LRRC4C: variants seen among roughly 807,000 people sequenced by gnomAD.
LRRC4C encodes the protein leucine rich repeat containing 4C, also known as leucine-rich repeat-containing protein 4C.
A neutral mutation model predicts 33.6 loss-of-function variants in LRRC4C; 5 were observed. That is an observed-to-expected ratio of 0.15 (90% CI 0.08 to 0.31). LRRC4C has a LOEUF of 0.31. LRRC4C is among the 10% of genes least tolerant of loss of function. The pLI is 1.00. For missense variants in LRRC4C, 560 were observed against 796.7 expected, an observed-to-expected ratio of 0.70 and a Z score of 3.58; for synonymous variants, 329 against 302.0, an observed-to-expected ratio of 1.09 and a Z score of -0.93.
intron 2 of LRRC4C, among the ~76,000 whole-genome samples, chr11:40,877,670 T>A (rs1019472148): frequency 6.6e-6 from 1 of 152,170 alleles, no homozygotes; most frequent in Non-Finnish European, 1.5e-5. Flanking sequence ...GATTTAGCAA[T>A]GCGGTTAGCC....
intron 2 of LRRC4C, among the ~76,000 whole-genome samples, chr11:40,828,613 T>G (rs1046001315): frequency 6.6e-6 from 1 of 151,932 alleles, no homozygotes; most frequent in Non-Finnish European, 1.5e-5. Context: ...TCCTACCATA[T>G]TTTAAACTCA....
intron 1 of LRRC4C, among the ~76,000 whole-genome samples, chr11:41,161,932 G>A (rs11036260): frequency 0.036 from 5,486 of 152,122 alleles, 127 homozygotes; most frequent in East Asian, 0.069. Context: ...ATATATGTAA[G>A]TAAACCACAA....
chr11:40,511,151 T>G (rs1955296142), intron 3 of LRRC4C, among the ~76,000 whole-genome samples: 1 of 152,076 alleles, frequency 6.6e-6, no homozygotes, highest in South Asian at 2.1e-4. Flanking sequence ...ATGGGAGAAG[T>G]ACAGGATATT....
rs552505212 is a variant in LRRC4C, at chr11:40,782,416, G to A, written c.-406-134138C>T. Among the ~76,000 whole-genome samples, 6 of 151,398 alleles carry A rather than the reference G, an allele frequency of 4.0e-5. No individual in the cohort carries two copies. In the East Asian group the frequency reaches 1.2e-3, roughly 30 times the overall value. On this transcript the variant is annotated intron_variant, in intron 2 of 6. Transcript: ENST00000528697. ...CACCATTATCTCCTAGTCTTCTCTG[G>A]CCCACAGCTCCTCCCACCTAATTGC...
At chr11:40,704,287 T>G (rs1946030507) in intron 2 of LRRC4C, among the ~76,000 whole-genome samples, 1 of 152,142 alleles carries the variant, frequency 6.6e-6, no homozygotes. Context: ...CTGGAACCAA[T>G]CACCTGTGGA....
chr11:41,432,180 C>CTTGT (rs1955261575), intron 1 of LRRC4C, among the ~76,000 whole-genome samples: 1 of 152,158 alleles, frequency 6.6e-6, no homozygotes, highest in Admixed American at 6.5e-5. Flanking sequence ...AATTAAGTAC[C>CTTGT]TACCCATCTA....
At chr11:40,434,477 C>G (rs2137889120) in intron 3 of LRRC4C, among the ~76,000 whole-genome samples, 1 of 152,308 alleles carries the variant, frequency 6.6e-6, no homozygotes, top group Non-Finnish European at 1.5e-5. Flanking sequence ...TGGCAAGACA[C>G]ACGACTGCTC....
chr11:40,979,263 T>A (rs188997018), intron 1 of LRRC4C, among the ~76,000 whole-genome samples: 3 of 152,358 alleles, frequency 2.0e-5, no homozygotes, highest in African/African-American at 7.2e-5. Context: ...TCCTTGGATG[T>A]ATGTCATATC....
intron 1 of LRRC4C, among the ~76,000 whole-genome samples, chr11:41,213,377 C>T (rs994860376): frequency 1.3e-5 from 2 of 152,134 alleles, no homozygotes; most frequent in Non-Finnish European, 2.9e-5. Context: ...TTTTCTCAGA[C>T]AAACGTCTTC....
chr11:41,291,019 C>T (rs1949978353), intron 1 of LRRC4C, among the ~76,000 whole-genome samples: 1 of 152,230 alleles, frequency 6.6e-6, no homozygotes. Flanking sequence ...TCTTCGTCAT[C>T]TAAGTGTGAA....
At chr11:40,138,457 GTAC>G (rs1857138050) in intron 6 of LRRC4C, among the ~76,000 whole-genome samples, 1 of 152,164 alleles carries the variant, frequency 6.6e-6, no homozygotes, top group African/African-American at 2.4e-5. Flanking sequence ...CTACTATGAT[GTAC>G]TAGCTGTAGT....
chr11:40,738,497 A>G (rs1004366134), intron 2 of LRRC4C, among the ~76,000 whole-genome samples: 51 of 152,122 alleles, frequency 3.4e-4, no homozygotes, highest in African/African-American at 1.2e-3. Context: ...TTTATAGCCA[A>G]AGTTTAAATT....
intron 4 of LRRC4C, among the ~76,000 whole-genome samples, chr11:40,260,276 T>G (rs1867593979): frequency 7.3e-6 from 1 of 137,202 alleles, no homozygotes; most frequent in Non-Finnish European, 1.6e-5. Context: ...AAATTGGAAA[T>G]CATCATTCTC....
chr11:40,131,653 G>A (rs991968491), intron 6 of LRRC4C, among the ~76,000 whole-genome samples: 6 of 152,112 alleles, frequency 3.9e-5, no homozygotes, highest in African/African-American at 1.4e-4. Context: ...TGAGTGTTGT[G>A]ATTTTGGACT....
At chr11:40,645,527 T>C (rs1290572729) in intron 3 of LRRC4C, among the ~76,000 whole-genome samples, 1 of 152,188 alleles carries the variant, frequency 6.6e-6, no homozygotes, top group Non-Finnish European at 1.5e-5. Flanking sequence ...CTTCTGACAA[T>C]GTCGCCCTGT....
intron 1 of LRRC4C, among the ~76,000 whole-genome samples, chr11:41,163,276 C>T (rs1590802745): frequency 2.3e-5 from 1 of 43,346 alleles, no homozygotes; most frequent in Non-Finnish European, 5.5e-5. Flanking sequence ...ACTTAGTTTA[C>T]TGTAACTGTT....
intron 1 of LRRC4C, among the ~76,000 whole-genome samples, chr11:41,191,133 T>A (rs1945926468): frequency 6.6e-6 from 1 of 152,186 alleles, no homozygotes; most frequent in South Asian, 2.1e-4. Context: ...TGGCTTATTC[T>A]GTTCAAGAAT....
At chr11:40,217,245 T>C (rs1864043310) in intron 5 of LRRC4C, among the ~76,000 whole-genome samples, 1 of 152,144 alleles carries the variant, frequency 6.6e-6, no homozygotes, top group South Asian at 2.1e-4. Flanking sequence ...TGTAATATAA[T>C]AACTTTATAA....
At chr11:40,758,714 G>T (rs891636386) in intron 2 of LRRC4C, among the ~76,000 whole-genome samples, 9 of 152,082 alleles carry the variant, frequency 5.9e-5, no homozygotes, top group African/African-American at 1.7e-4. Context: ...GAGATGCAGG[G>T]AGCATACAAT....
Sources: gnomAD v4.1 joint callset for allele counts (sites outside exome capture counted in the v4.1 genomes callset) on GRCh38, gnomAD v4.1.1 for gene constraint, MANE v1.5 for transcripts, NCBI Gene and HGNC (gene_info 2026-07-23, HGNC 2026-07-21) for gene names.